EBNA1BP2: variants seen among roughly 807,000 people sequenced by gnomAD.
EBNA1BP2 encodes the protein EBNA1 binding protein 2.
A neutral mutation model predicts 43.5 loss-of-function variants in EBNA1BP2; 36 were observed. That is an observed-to-expected ratio of 0.83 (90% CI 0.63 to 1.09). EBNA1BP2 has a LOEUF of 1.09. Ranked by LOEUF, EBNA1BP2 falls within the 50% of genes least tolerant of loss-of-function variation. The pLI is 0.00. For synonymous variants in EBNA1BP2, 127 were observed against 141.3 expected, an observed-to-expected ratio of 0.90 and a Z score of 0.72; for missense variants, 332 against 379.1, an observed-to-expected ratio of 0.88 and a Z score of 1.03.
In EBNA1BP2 at chr1:43,172,201, G is replaced by A; in HGVS notation, c.-83C>T. ...CGGCTAGCAGAGGGCGGCCCTGGCC[G>A]CTGCTGCCTGCCTTCAGCCCCCTAC... On this transcript the variant is annotated 5_prime_UTR_variant, in exon 1 of 9. Coordinates refer to ENST00000236051, the MANE Select transcript of EBNA1BP2 (RefSeq NM_006824.3). The A allele has an allele frequency of 6.3e-7, 1 of 1,595,538 alleles. No homozygotes were observed. The highest frequency in any genetic ancestry group is 1.7e-4 in the Middle Eastern group (1 of 6,038).
intron 4 of EBNA1BP2, 69 bp from the exon 5 acceptor site, chr1:43,169,097 A>G (rs1279908018): frequency 1.9e-5 from 29 of 1,488,218 alleles, no homozygotes; most frequent in Non-Finnish European, 2.5e-5. Context: ...GATTCGCTAG[A>G]GCAGGGAACA....
upstream of EBNA1BP2, chr1:43,172,304 GA>G (rs778216826): frequency 2.1e-5 from 33 of 1,551,798 alleles, no homozygotes; most frequent in Non-Finnish European, 2.5e-5. Flanking sequence ...TTTTGATTGG[GA>G]CTTCCGCTTC....
At position 43,171,643 on chromosome 1, in the gene EBNA1BP2, C is replaced by T; in HGVS notation, c.159G>A (p.Leu53=). The change falls in exon 3 of 9, where the codon CTG becomes CTA. Residue 53 remains leucine (L), a synonymous_variant. Coordinates refer to ENST00000236051, the MANE Select transcript of EBNA1BP2 (RefSeq NM_006824.3). The part of the protein sequence containing the change: ...PKKAVNDVNG[L]KQCLAEFKRD... ...GCTTGAATTCTGCCAAACATTGCTT[C>T]AGGCCATTCTAGGAAATCCAGACAC... 6.2e-7 allele frequency: 1 copy of T among 1,613,498 alleles called. No individual in the cohort carries two copies. Among genetic ancestry groups the T allele is most frequent in the Non-Finnish European group, 8.5e-7 (1 of 1,179,782 alleles).
Position 43,166,925 on chromosome 1 carries a change from A to C in EBNA1BP2, c.614-6T>G, listed in dbSNP as rs1356364623. On this transcript the variant is annotated splice_polypyrimidine_tract_variant and splice_region_variant and intron_variant, in intron 6 of 8. Coordinates refer to ENST00000236051, the MANE Select transcript of EBNA1BP2 (RefSeq NM_006824.3). ...ATCCAGTTTATCAGAGAAGCCTGTA[A>C]GTGAAGAAGTAGTTTTGATCAGCAC... 1 of 1,611,584 alleles carries C rather than the reference A, an allele frequency of 6.2e-7. No individual in the cohort carries two copies. Among genetic ancestry groups the C allele is most frequent in the South Asian group, 1.1e-5 (1 of 90,552 alleles).
chr1:43,164,511 C>G lies in EBNA1BP2; in HGVS notation c.871-18G>C, dbSNP rs769672241. ...GGTCTCTTCTACAGAAAAAGACATA[C>G]CACATCTGGTCACATAGCAGCTTGC... On this transcript the variant is annotated intron_variant, in intron 8 of 8. Coordinates refer to ENST00000236051, the MANE Select transcript of EBNA1BP2 (RefSeq NM_006824.3). 1 of 1,614,136 alleles carries G rather than the reference C, an allele frequency of 6.2e-7. No individual in the cohort carries two copies. Among genetic ancestry groups the G allele is most frequent in the Admixed American group, 1.7e-5 (1 of 60,016 alleles).
intron 4 of EBNA1BP2, 103 bp from the exon 5 acceptor site, chr1:43,169,131 C>G: frequency 8.1e-6 from 10 of 1,233,154 alleles, no homozygotes; most frequent in Non-Finnish European, 1.2e-5. Context: ...CTTTAAACTG[C>G]GGAACTTATA....
At chr1:43,172,433 TG>T (rs1557714145), upstream of EBNA1BP2, 1 of 1,550,550 alleles carries the variant, frequency 6.4e-7, no homozygotes, top group South Asian at 1.2e-5. Flanking sequence ...CGTGGTCTGC[TG>T]ACCCAGAGAG....
chr1:43,169,908 C>A (rs538222318), intron 4 of EBNA1BP2, among the ~76,000 whole-genome samples: 6 of 152,126 alleles, frequency 3.9e-5, no homozygotes, highest in African/African-American at 1.4e-4. Context: ...TGGAACTATG[C>A]ATGCAAAGGA....
chr1:43,167,254 G>C lies in EBNA1BP2; in HGVS notation c.538-19C>G, dbSNP rs752636951. ...TTTGCACCTGTGATATGAACACAAGGACCGTTACAGCCATTCCATACCATT... is the reference window on the plus strand; with the variant it reads ...TTTGCACCTGTGATATGAACACAAGCACCGTTACAGCCATTCCATACCATT... On this transcript the variant is annotated intron_variant, in intron 5 of 8. Coordinates refer to ENST00000236051, the MANE Select transcript of EBNA1BP2 (RefSeq NM_006824.3). 3 of 1,611,960 alleles carry C rather than the reference G, an allele frequency of 1.9e-6. No homozygotes were observed. The South Asian group carries it at 3.3e-5, about 18-fold the overall frequency.
intron 7 of EBNA1BP2, among the ~76,000 whole-genome samples, chr1:43,166,538 G>C (rs569435926): frequency 6.3e-4 from 96 of 152,256 alleles, no homozygotes; most frequent in Non-Finnish European, 1.1e-3. Context: ...AGCCCAGGTG[G>C]CAGAGGTTGC....
intron 4 of EBNA1BP2, among the ~76,000 whole-genome samples, chr1:43,170,205 A>G (rs766807363): frequency 2.5e-4 from 38 of 152,114 alleles, no homozygotes; most frequent in Non-Finnish European, 2.9e-5. Flanking sequence ...TTTTGATCCA[A>G]GGTTGGTTGA....
intron 5 of EBNA1BP2, among the ~76,000 whole-genome samples, chr1:43,168,276 A>G (rs911551112): frequency 2.6e-5 from 4 of 152,240 alleles, no homozygotes; most frequent in Non-Finnish European, 5.9e-5. Context: ...ATGTTGACGA[A>G]GTCTTAACAC....
upstream of EBNA1BP2, chr1:43,172,449 G>C: frequency 1.9e-6 from 3 of 1,547,868 alleles, no homozygotes; most frequent in Non-Finnish European, 2.6e-6. Context: ...AGAGAGAAAC[G>C]AAAGGTGGGA....
chr1:43,169,188 C>T (rs1644937229), intron 4 of EBNA1BP2, among the ~76,000 whole-genome samples, 160 bp from the exon 5 acceptor site: 1 of 152,172 alleles, frequency 6.6e-6, no homozygotes, highest in South Asian at 2.1e-4. Context: ...ACAGGCTGAG[C>T]ACTTTACCAA....
In EBNA1BP2 at chr1:43,170,655, A is replaced by G. The variant is rs181849486; in HGVS notation, c.447+101T>C. The G allele has an allele frequency of 4.7e-4, 708 of 1,504,010 alleles. 7 individuals carry two copies. In the East Asian group the frequency reaches 0.013, roughly 28 times the overall value. The allele number at this position is 1,504,010 out of a possible 1,614,324, so 93.2% of individuals were successfully genotyped here. ...AAGAGGTAATAATTGTCCTCTGACA[A>G]CTGGCTCCCCGTTATTGGGCTCATA... On this transcript the variant is annotated intron_variant, in intron 4 of 8. Coordinates refer to ENST00000236051, the MANE Select transcript of EBNA1BP2 (RefSeq NM_006824.3).
In EBNA1BP2 at chr1:43,168,904, G is replaced by C. The variant is rs748633762; in HGVS notation, c.537+35C>G. 3 of 1,604,226 alleles carry C rather than the reference G, an allele frequency of 1.9e-6. No individual in the cohort carries two copies. The East Asian group carries it at 6.7e-5, about 36-fold the overall frequency. ...GGCAATCTCATCTAACACACACTCCGCCTCTTCCTGTTCCCTGCACACTTT... is the reference window on the plus strand; with the variant it reads ...GGCAATCTCATCTAACACACACTCCCCCTCTTCCTGTTCCCTGCACACTTT... On this transcript the variant is annotated intron_variant, in intron 5 of 8. Coordinates refer to ENST00000236051, the MANE Select transcript of EBNA1BP2 (RefSeq NM_006824.3).
intron 4 of EBNA1BP2, 88 bp from the exon 5 acceptor site, chr1:43,169,116 C>G: frequency 7.3e-7 from 1 of 1,373,022 alleles, no homozygotes. Context: ...CAGATATTCC[C>G]TGTTCTTTAA....
chr1:43,172,185 G>C lies in EBNA1BP2; in HGVS notation c.-67C>G, dbSNP rs1318341719. 1.2e-6 allele frequency: 2 copies of C among 1,608,316 alleles called. No homozygotes were observed. The highest frequency in any genetic ancestry group is 1.7e-5 in the Admixed American group (1 of 59,178). On this transcript the variant is annotated 5_prime_UTR_variant, in exon 1 of 9. Coordinates refer to ENST00000236051, the MANE Select transcript of EBNA1BP2 (RefSeq NM_006824.3). ...TATCCCGAGACCCAAGCGGCTAGCA[G>C]AGGGCGGCCCTGGCCGCTGCTGCCT...
rs978379258 is a variant in EBNA1BP2, at chr1:43,169,263, T to G, written c.448-235A>C. 1.9e-4 allele frequency among the ~76,000 whole-genome samples: 29 copies of G among 152,302 alleles called. 1 individual carries two copies. The highest frequency in any genetic ancestry group is 7.0e-4 in the African/African-American group (29 of 41,558). On this transcript the variant is annotated intron_variant, in intron 4 of 8. Transcript: ENST00000236051. ...CGCTCCCAGTGTGCTGTCTGTTTCA[T>G]TATACAAACTGCCTATTTGTAGCCC... is the stretch of plus-strand genomic sequence containing the variant.
Sources: gnomAD v4.1 joint callset for allele counts (sites outside exome capture counted in the v4.1 genomes callset) on GRCh38, gnomAD v4.1.1 for gene constraint, MANE v1.5 for transcripts, NCBI Gene and HGNC (gene_info 2026-07-23, HGNC 2026-07-21) for gene names.